Variants in CBLN4 observed in about 807,000 individuals in gnomAD.
CBLN4 encodes cerebellin-4.
In CBLN4, 7 loss-of-function variants were observed where a neutral mutation model predicts 14.9. The observed-to-expected ratio is 0.47, with a 90% CI of 0.27 to 0.88. The LOEUF (loss-of-function observed/expected upper bound fraction) is 0.88, where lower values mean the gene tolerates loss of function less well. Ranked by LOEUF, CBLN4 falls within the 40% of genes least tolerant of loss-of-function variation. The probability of loss-of-function intolerance (pLI) is 0.14; values close to 1 mark genes in which losing one functional copy is unlikely to be tolerated. For synonymous variants in CBLN4, 131 were observed against 116.5 expected (o/e 1.12, Z -0.80); for missense variants, 188 against 256.8 (o/e 0.73, Z 1.83).
chr20:56,000,537 A>G (rs1248416827), intron 2 of CBLN4, among the ~76,000 whole-genome samples, 194 bp downstream of exon 2: 1 of 152,236 alleles, frequency 6.6e-6, no homozygotes, highest in African/African-American at 2.4e-5. Context: ...CTATTTTTCT[A>G]TACGCTTTTT....
rs891216172 is a variant in CBLN4, at chr20:56,004,441, C to T, written c.-270G>A. 2 of 402,484 alleles carry T rather than the reference C, an allele frequency of 5.0e-6. No homozygotes were observed. Among genetic ancestry groups the T allele is most frequent in the Non-Finnish European group, 8.7e-6 (2 of 230,318 alleles). The allele number at this position is 402,484 out of a possible 1,614,324, so 24.9% of individuals were successfully genotyped here. ...ACTCTCCTCCGCCCAAGAATCAGCCCTGCCTGGGGCCCCTGCACCCACTCT... is the reference window on the plus strand; with the variant it reads ...ACTCTCCTCCGCCCAAGAATCAGCCTTGCCTGGGGCCCCTGCACCCACTCT... On this transcript the variant is annotated 5_prime_UTR_variant, in exon 1 of 3. Coordinates refer to ENST00000064571, the MANE Select transcript of CBLN4 (RefSeq NM_080617.6). The surrounding 1 kb of genome is among the most constrained non-coding windows in gnomAD (Gnocchi z 6.1).
At position 56,004,073 on chromosome 20, in the gene CBLN4, G is replaced by T; in HGVS notation, c.99C>A (p.Pro33=). 1 of 1,613,490 alleles carries T rather than the reference G, an allele frequency of 6.2e-7. No individual in the cohort carries two copies. The highest frequency in any genetic ancestry group is 8.5e-7 in the Non-Finnish European group (1 of 1,179,888). The change falls in exon 1 of 3, where the codon CCC becomes CCA. Residue 33 remains proline, a synonymous_variant. Coordinates refer to ENST00000064571, the MANE Select transcript of CBLN4 (RefSeq NM_080617.6). This position sits in a 1 kb window ranked among gnomAD's most constrained non-coding sequence, Gnocchi z 6.1. The part of the protein sequence containing the change: ...LPVWAQNDTE[P]IVLEGKCLVV... Reference sequence around the variant, plus strand: ...CCAGACACTTGCCCTCCAGCACGATGGGCTCCGTGTCGTTCTGTGCCCAGA... The same window carrying T: ...CCAGACACTTGCCCTCCAGCACGATTGGCTCCGTGTCGTTCTGTGCCCAGA...
At chr20:56,002,014 T>C (rs1368583789) in intron 1 of CBLN4, among the ~76,000 whole-genome samples, 1 of 152,166 alleles carries the variant, frequency 6.6e-6, no homozygotes, top group Non-Finnish European at 1.5e-5. Context: ...TACTATCTCT[T>C]TCGAACACTG....
At chr20:56,001,829 A>C (rs1180734395) in intron 1 of CBLN4, among the ~76,000 whole-genome samples, 2 of 152,208 alleles carry the variant, frequency 1.3e-5, no homozygotes, top group Non-Finnish European at 2.9e-5. Context: ...CTAAATTTGC[A>C]ATGTCACATG....
Position 56,005,349 on chromosome 20 carries a change from C to G in CBLN4, c.-1178G>C, listed in dbSNP as rs1396853686. ...ACTCTGCCGCCGAGTGCCCTCCAAG[C>G]GGAGCGCGGCGCTGCCAGGCCGGGT... is the stretch of plus-strand genomic sequence containing the variant. On this transcript the variant is annotated 5_prime_UTR_variant, in exon 1 of 3. Coordinates refer to ENST00000064571, the MANE Select transcript of CBLN4 (RefSeq NM_080617.6). 1.3e-5 allele frequency: 2 copies of G among 152,310 alleles called. No homozygotes were observed. The highest frequency in any genetic ancestry group is 3.9e-4 in the East Asian group (2 of 5,186). 9.4% of individuals were successfully genotyped at this position (152,310 alleles called of 1,614,324 possible). A position where few individuals can be genotyped will look rare whatever the true frequency, so the allele number is the denominator to read the frequency against.
chr20:56,003,074 C>T (rs765294863), intron 1 of CBLN4, among the ~76,000 whole-genome samples: 4 of 152,182 alleles, frequency 2.6e-5, no homozygotes, highest in Non-Finnish European at 4.4e-5. Context: ...CTACAGCTTC[C>T]GTCAGCTCTT....
chr20:56,001,694 G>A (rs1012598162), intron 1 of CBLN4, among the ~76,000 whole-genome samples: 6 of 152,114 alleles, frequency 3.9e-5, no homozygotes, highest in Admixed American at 2.0e-4. Flanking sequence ...TGAAGTTCAA[G>A]GTTCAAAAGT....
intron 1 of CBLN4, among the ~76,000 whole-genome samples, chr20:56,001,629 C>T (rs1282130874): frequency 2.0e-5 from 3 of 152,170 alleles, no homozygotes; most frequent in Non-Finnish European, 4.4e-5. Flanking sequence ...AGGTGGCTTT[C>T]CCTGTTCCTC....
chr20:56,004,256 G>C lies in CBLN4; in HGVS notation c.-85C>G. On this transcript the variant is annotated 5_prime_UTR_variant, in exon 1 of 3. In the 5' UTR this introduces an upstream ATG that the reference lacks. Transcript: ENST00000064571. This position sits in a 1 kb window ranked among gnomAD's most constrained non-coding sequence, Gnocchi z 6.1. ...ACCCCGGGATCCCGGTGCTCGGGAAGATGCTAGCGGCTAGGTCGACAGCGC... is the reference window on the plus strand; with the variant it reads ...ACCCCGGGATCCCGGTGCTCGGGAACATGCTAGCGGCTAGGTCGACAGCGC... The C allele has an allele frequency of 3.0e-6, 4 of 1,312,910 alleles. No homozygotes were observed. The highest frequency in any genetic ancestry group is 3.9e-6 in the Non-Finnish European group (4 of 1,017,516). The allele number at this position is 1,312,910 out of a possible 1,614,324, so 81.3% of individuals were successfully genotyped here. A position where few individuals can be genotyped will look rare whatever the true frequency, so the allele number is the denominator to read the frequency against.
rs1390421244 is a variant in CBLN4, at chr20:55,998,197, T to G, written c.*360A>C. 5.9e-5 allele frequency: 14 copies of G among 236,146 alleles called. No homozygotes were observed. In the East Asian group the frequency reaches 1.4e-3, roughly 24 times the overall value. The allele number at this position is 236,146 out of a possible 1,614,324, so 14.6% of individuals were successfully genotyped here. A position where few individuals can be genotyped will look rare whatever the true frequency, so the allele number is the denominator to read the frequency against. ...GATTGAAGTCAGAACTTTAGAGTTT[T>G]CTAATCCTTAGACCTGGTTGCCAGT... On this transcript the variant is annotated 3_prime_UTR_variant, in exon 3 of 3. Transcript: ENST00000064571.
In CBLN4 at chr20:55,998,507, C is replaced by G. The variant is rs899819057; in HGVS notation, c.*50G>C. On this transcript the variant is annotated 3_prime_UTR_variant, in exon 3 of 3. Coordinates refer to ENST00000064571, the MANE Select transcript of CBLN4 (RefSeq NM_080617.6). ...ATGAAAAAATGATCTTCCAATAACT[C>G]AGGAGTGGGTCATCCCTCACCTGGA... The G allele has an allele frequency of 6.2e-7, 1 of 1,600,074 alleles. No homozygotes were observed. Among genetic ancestry groups the G allele is most frequent in the African/African-American group, 1.3e-5 (1 of 74,616 alleles).
At chr20:56,003,003 A>C (rs1986399994) in intron 1 of CBLN4, among the ~76,000 whole-genome samples, 2 of 152,216 alleles carry the variant, frequency 1.3e-5, no homozygotes, top group Non-Finnish European at 2.9e-5. Flanking sequence ...GCTAAAGGTA[A>C]GCTGATATCC....
chr20:56,002,500 G>A (rs6024562), intron 1 of CBLN4, among the ~76,000 whole-genome samples: 3,206 of 152,288 alleles, frequency 0.021, 118 homozygotes, highest in African/African-American at 0.074. Context: ...TCTCTAAGAT[G>A]CAAGGCTCAC....
At chr20:56,003,551 C>T (rs1293307132) in intron 1 of CBLN4, among the ~76,000 whole-genome samples, 1 of 152,238 alleles carries the variant, frequency 6.6e-6, no homozygotes, top group Non-Finnish European at 1.5e-5. Context: ...GAGATAACGA[C>T]GTCCAGGGAC....
In CBLN4 at chr20:56,004,984, A is replaced by C. The variant is rs943679408; in HGVS notation, c.-813T>G. On this transcript the variant is annotated 5_prime_UTR_variant, in exon 1 of 3. Transcript: ENST00000064571. The surrounding 1 kb of genome is among the most constrained non-coding windows in gnomAD (Gnocchi z 6.1). ...TCCCTCGTGCAGCCCGGAGAGCGCGAAGCGGGCACACGCGCTCTATTTATA... is the reference window on the plus strand; with the variant it reads ...TCCCTCGTGCAGCCCGGAGAGCGCGCAGCGGGCACACGCGCTCTATTTATA... 6.6e-6 allele frequency: 1 copy of C among 152,282 alleles called. No individual in the cohort carries two copies. Among genetic ancestry groups the C allele is most frequent in the African/African-American group, 2.4e-5 (1 of 41,458 alleles). 9.4% of individuals were successfully genotyped at this position (152,282 alleles called of 1,614,324 possible).
At chr20:56,000,881 T>C in intron 1 of CBLN4, 34 bp from the exon 2 acceptor site, 1 of 1,125,412 alleles carries the variant, frequency 8.9e-7, no homozygotes, top group South Asian at 1.9e-5. Flanking sequence ...CAATAAGTTA[T>C]TATATTTTCT....
chr20:56,001,830 A>G (rs747410185), intron 1 of CBLN4, among the ~76,000 whole-genome samples: 1 of 152,298 alleles, frequency 6.6e-6, no homozygotes, highest in South Asian at 2.1e-4. Context: ...TAAATTTGCA[A>G]TGTCACATGG....
chr20:56,003,908 G>A lies in CBLN4; in HGVS notation c.264C>T (p.Asn88=), dbSNP rs919581174. The A allele has an allele frequency of 3.1e-6, 5 of 1,612,740 alleles. No individual in the cohort carries two copies. In the Admixed American group the frequency reaches 5.0e-5, roughly 16 times the overall value. The change falls in exon 1 of 3, where the codon AAC becomes AAT. Residue 88 remains asparagine, a synonymous_variant. Transcript: ENST00000064571. ...STNHEPSEMS[N]KTRIIYFDQI... is the part of the protein sequence containing the mutation. Reference sequence around the variant, plus strand: ...GATCGAAGTAAATGATGCGCGTCTTGTTGCTCATCTCGGATGGCTCGTGGT... The same window carrying A: ...GATCGAAGTAAATGATGCGCGTCTTATTGCTCATCTCGGATGGCTCGTGGT...
Position 56,000,796 on chromosome 20 carries a change from G to T in CBLN4, c.343C>A (p.Pro115Thr). ...FFTLESVFVAPRKGIYSFSFH... is the reference protein window; with the variant it reads ...FFTLESVFVATRKGIYSFSFH... The stretch of plus-strand genomic sequence containing the variant: ...CTGAAACTGTAAATTCCTTTTCTTG[G>T]TGCTACAAAGACAGACTCCAATGTG... Residue 115 changes from proline to threonine, a missense_variant, in exon 2 of 3, where the codon CCA (proline) becomes ACA (threonine). Pro to Thr is a conservative substitution (Grantham distance 38). Around this residue, in one of 2 missense-constraint regions of CBLN4, gnomAD observed 93 missense variants for 157.7 expected, o/e 0.59. Coordinates refer to ENST00000064571, the MANE Select transcript of CBLN4 (RefSeq NM_080617.6). The T allele has an allele frequency of 6.2e-7, 1 of 1,601,224 alleles. No individual in the cohort carries two copies. The highest frequency in any genetic ancestry group is 8.5e-7 in the Non-Finnish European group (1 of 1,174,174).
Sources: gnomAD v4.1 joint callset for allele counts (sites outside exome capture counted in the v4.1 genomes callset) on GRCh38, gnomAD v4.1.1 for gene constraint, gnomAD v4.1.1 regional missense constraint, Gnocchi (gnomAD v3.1) non-coding constraint, MANE v1.5 for transcripts, NCBI Gene and HGNC (gene_info 2026-07-23, HGNC 2026-07-21) for gene names.